The following GTPBP6 variants were observed in gnomAD, a reference collection of about 807,000 sequenced individuals.
GTPBP6 encodes the protein GTP binding protein 6, also known as putative GTP-binding protein 6.
In GTPBP6, 33 loss-of-function variants were observed where a neutral mutation model predicts 28.9. The observed-to-expected ratio is 1.14, with a 90% CI of 0.87 to 1.53. GTPBP6 has a LOEUF of 1.53. Among genes scored for constraint, GTPBP6 ranks in the 40% most tolerant of loss-of-function variants. The pLI is 0.00. For missense variants in GTPBP6, 507 were observed against 408.3 expected (o/e 1.24, Z -2.08); for synonymous variants, 231 against 192.7 (o/e 1.20, Z -1.65).
exon 9 of GTPBP6, chrX:307,481 C>T (rs778044647): frequency 4.3e-6 from 7 of 1,609,544 alleles, no homozygotes; most frequent in Middle Eastern, 4.1e-4. Context: ...AGGGCAGACA[C>T]GGGCACGACG....
At chrX:310,578 G>A (rs1312979895) in intron 7 of GTPBP6, among the ~76,000 whole-genome samples, 1 of 138,522 alleles carries the variant, frequency 7.2e-6, no homozygotes, top group Non-Finnish European at 1.5e-5. Context: ...GATTAGGGTG[G>A]ACCCTAAATC....
exon 5 of GTPBP6, chrX:314,190 G>C: frequency 6.2e-7 from 1 of 1,613,538 alleles, no homozygotes. Context: ...CTCGGTACAG[G>C]TGGGCGACGT....
chrX:318,024 A>G (rs1437052318), intron 1 of GTPBP6, among the ~76,000 whole-genome samples: 2 of 99,948 alleles, frequency 2.0e-5, no homozygotes, highest in Non-Finnish European at 4.0e-5. Context: ...ATCTCCAACC[A>G]TCAGACCCTC....
rs188306881 is a variant in GTPBP6 at position 305,145 on chromosome X, C to T, written c.1480G>A (p.Gly494Arg). The change falls in exon 10 of 10, where the codon GGG (glycine) becomes AGG (arginine). Residue 494 changes from glycine to arginine, a missense_variant. By Grantham distance (125) the Gly-to-Arg change is moderately radical. Coordinates refer to ENST00000326153, the Ensembl canonical transcript of GTPBP6. ...ATGATGACCCTCACGTCGGCCGCCCCGTCCTCAGGGATCACGTCCACCTCC... is the reference window on the plus strand; with the variant it reads ...ATGATGACCCTCACGTCGGCCGCCCTGTCCTCAGGGATCACGTCCACCTCC... The T allele has an allele frequency of 1.9e-3, 2,992 of 1,613,560 alleles. 30 individuals carry two copies. The African/African-American group carries it at 0.035, about 19-fold the overall frequency.
intron 7 of GTPBP6, among the ~76,000 whole-genome samples, 181 bp from the exon 8 acceptor site, chrX:308,061 C>T (rs1341625263): frequency 3.3e-5 from 5 of 151,894 alleles, no homozygotes; most frequent in East Asian, 2.0e-4. Flanking sequence ...ACAGTGGACG[C>T]GAGCCCACCC....
chrX:314,102 A>T (rs1375693841), intron 5 of GTPBP6, 48 bp downstream of exon 5: 2 of 1,421,320 alleles, frequency 1.4e-6, no homozygotes, highest in South Asian at 1.2e-5. Flanking sequence ...TGCCGCTGAC[A>T]ACCGCATTCC....
exon 5 of GTPBP6, chrX:314,198 C>T (rs374729854): frequency 3.8e-5 from 61 of 1,613,322 alleles, no homozygotes; most frequent in African/African-American, 2.7e-4. Context: ...AGGTGGGCGA[C>T]GTCCCTTTTC....
chrX:318,218 G>T (rs1396595886), intron 1 of GTPBP6, among the ~76,000 whole-genome samples: 4 of 142,122 alleles, frequency 2.8e-5, no homozygotes, highest in African/African-American at 1.1e-4. Flanking sequence ...CCCGAGTCCC[G>T]CCCCTGAATC....
intron 7 of GTPBP6, among the ~76,000 whole-genome samples, chrX:310,681 T>A (rs9635653): frequency 0.12 from 11,774 of 94,864 alleles, 2 homozygotes; most frequent in Middle Eastern, 0.25. Flanking sequence ...TGATGCGGCC[T>A]CAAGCCCAGG....
chrX:309,023 T>C (rs973305219), intron 7 of GTPBP6, among the ~76,000 whole-genome samples: 1 of 152,054 alleles, frequency 6.6e-6, no homozygotes, highest in Non-Finnish European at 1.5e-5. Flanking sequence ...CCACACCCGG[T>C]CCATAATTTA....
intron 1 of GTPBP6, among the ~76,000 whole-genome samples, chrX:317,571 G>GGGGTGGGGGGTGGGGGGT (rs1184688470): frequency 8.6e-6 from 1 of 116,552 alleles, no homozygotes; most frequent in Non-Finnish European, 1.7e-5. Context: ...GTGGGGGGTG[G>GGGGTGGGGGGTGGGGGGT]GACTAGACAC....
intron 8 of GTPBP6, 44 bp downstream of exon 8, chrX:307,688 G>C: frequency 6.9e-7 from 1 of 1,455,940 alleles, no homozygotes; most frequent in South Asian, 1.4e-5. Flanking sequence ...GCTCCAGCGC[G>C]TGCAGGGGAA....
At chrX:315,334 C>T (rs2070409954) in intron 2 of GTPBP6, 35 bp from the exon 3 acceptor site, 3 of 398,398 alleles carry the variant, frequency 7.5e-6, no homozygotes, top group East Asian at 3.6e-5. Context: ...AGAGGCTGGC[C>T]GTCCACACCC....
intron 7 of GTPBP6, among the ~76,000 whole-genome samples, chrX:309,048 C>T (rs1332803422): frequency 7.9e-5 from 12 of 152,064 alleles, no homozygotes; most frequent in Admixed American, 3.9e-4. Flanking sequence ...CGGGAGGAGT[C>T]GAAAGCGGAG....
rs772432958 is a variant in GTPBP6 at position 309,943 on chromosome X, G to A, written c.1125+1476C>T. On this transcript the variant is annotated intron_variant, in intron 7 of 9. Coordinates refer to ENST00000326153, the Ensembl canonical transcript of GTPBP6. ...ACTGTCCTTCTAAGAGACAGAAGAG[G>A]AGACACAGACACAGAGAAGAAGGCC... 9.1e-4 allele frequency among the ~76,000 whole-genome samples: 131 copies of A among 143,902 alleles called. 2 individuals carry two copies. The highest frequency in any genetic ancestry group is 1.5e-3 in the Non-Finnish European group (98 of 67,090). 94.4% of individuals were successfully genotyped at this position (143,902 alleles called of 152,430 possible). A position where few individuals can be genotyped will look rare whatever the true frequency, so the allele number is the denominator to read the frequency against.
chrX:318,271 T>C (rs2070477102), intron 1 of GTPBP6, among the ~76,000 whole-genome samples, 168 bp downstream of exon 1: 1 of 141,006 alleles, frequency 7.1e-6, no homozygotes, highest in Non-Finnish European at 1.5e-5. Flanking sequence ...CCCTTGCGCC[T>C]CCACCTATGA....
rs1162125219 is a variant in GTPBP6 at position 315,874 on chromosome X, G to GACACAC, written c.488-581_488-576dup. Among the ~76,000 whole-genome samples, 3 of 5,608 alleles carry GACACAC rather than the reference G, an allele frequency of 5.3e-4. 1 individual carries two copies. The highest frequency in any genetic ancestry group is 1.7e-3 in the African/African-American group (3 of 1,762). 3.7% of individuals were successfully genotyped at this position (5,608 alleles called of 152,430 possible). A position where few individuals can be genotyped will look rare whatever the true frequency, so the allele number is the denominator to read the frequency against. Reference sequence around the variant, plus strand: ...AGGGACACAAACACATACACATGCAGACACACACACACACACACAGTAAAT... The same window carrying GACACAC: ...AGGGACACAAACACATACACATGCAGACACACACACACACACACACACACAGTAAAT... On this transcript the variant is annotated intron_variant, in intron 2 of 9. Coordinates refer to ENST00000326153, the Ensembl canonical transcript of GTPBP6.
In GTPBP6 at chrX:311,642, A is replaced by C; in HGVS notation, c.917-15T>G. ...CGTGGTCTTTCCTAGGAGGGCGTGG[A>C]GGTCAGGGCGCTGCAGAGATCCCTG... is the stretch of plus-strand genomic sequence containing the variant. On this transcript the variant is annotated splice_polypyrimidine_tract_variant and intron_variant, in intron 6 of 9. Transcript: ENST00000326153. 1 of 1,602,138 alleles carries C rather than the reference A, an allele frequency of 6.2e-7. No homozygotes were observed.
intron 9 of GTPBP6, among the ~76,000 whole-genome samples, chrX:306,719 C>A (rs1442299228): frequency 7.0e-6 from 1 of 143,348 alleles, no homozygotes; most frequent in Non-Finnish European, 1.5e-5. Flanking sequence ...GTTGTATGCA[C>A]AGAAATGTAC....
Sources: gnomAD v4.1 joint callset for allele counts (sites outside exome capture counted in the v4.1 genomes callset) on GRCh38, gnomAD v4.1.1 for gene constraint, MANE v1.5 for transcripts, NCBI Gene and HGNC (gene_info 2026-07-23, HGNC 2026-07-21) for gene names.